ZNF718: variants seen among roughly 807,000 people sequenced by gnomAD.
ZNF718 encodes zinc finger protein 718.
Under a neutral mutation model 2.6 loss-of-function variants are expected in ZNF718, and 3 were observed. The ratio of observed to expected loss-of-function variants is 1.16; its 90% CI spans 0.53 to 3.01. The LOEUF is 3.01. Among genes scored for constraint, ZNF718 ranks in the 30% most tolerant of loss-of-function variants. ZNF718 has a pLI of 0.03. For missense variants in ZNF718, 468 were observed against 230.0 expected, an observed-to-expected ratio of 2.03 and a Z score of -6.69; for synonymous variants, 135 against 77.9, an observed-to-expected ratio of 1.73 and a Z score of -3.86.
intron 3 of ZNF718, among the ~76,000 whole-genome samples, chr4:137,631 G>T (rs977902571): frequency 6.6e-6 from 1 of 152,016 alleles, no homozygotes; most frequent in Non-Finnish European, 1.5e-5. Flanking sequence ...TTTGCTGTGT[G>T]TATTTATTCT....
Position 131,377 on chromosome 4 carries a change from A to G in ZNF718, c.131-33A>G. ...GTTGGTAATTGGAGTATCCCCAGCA[A>G]TAGTCATGTTAATTTTTTTTTTAAT... On this transcript the variant is annotated intron_variant, in intron 2 of 3. Coordinates refer to ENST00000510175, the MANE Select transcript of ZNF718 (RefSeq NM_001039127.6). 2 of 344,274 alleles carry G rather than the reference A, an allele frequency of 5.8e-6. 1 individual carries two copies. Among genetic ancestry groups the G allele is most frequent in the Non-Finnish European group, 9.8e-6 (2 of 203,192 alleles). The allele number at this position is 344,274 out of a possible 1,614,324, so 21.3% of individuals were successfully genotyped here.
At chr4:176,922 C>G (rs1330723579) in intron 3 of ZNF718, among the ~76,000 whole-genome samples, 3 of 152,162 alleles carry the variant, frequency 2.0e-5, no homozygotes, top group Non-Finnish European at 4.4e-5. Context: ...TCAACTCTTT[C>G]TGCATTCATT....
intron 3 of ZNF718, among the ~76,000 whole-genome samples, chr4:144,802 A>G (rs1350929995): frequency 6.6e-6 from 1 of 152,108 alleles, no homozygotes; most frequent in Non-Finnish European, 1.5e-5. Flanking sequence ...TTTGATTTTC[A>G]CATTGTTCAC....
chr4:182,578 A>C (rs765552917), intron 3 of ZNF718, among the ~76,000 whole-genome samples: 1 of 151,912 alleles, frequency 6.6e-6, no homozygotes, highest in Admixed American at 6.6e-5. Context: ...GGATCACAAC[A>C]ACCACCAACA....
chr4:140,759 C>G (rs1270129376), intron 3 of ZNF718, among the ~76,000 whole-genome samples: 1 of 152,156 alleles, frequency 6.6e-6, no homozygotes, highest in Non-Finnish European at 1.5e-5. Context: ...TTTGCATGTA[C>G]ACTTACTGTT....
At chr4:151,311 G>A (rs1000782994) in intron 3 of ZNF718, among the ~76,000 whole-genome samples, 2 of 151,654 alleles carry the variant, frequency 1.3e-5, no homozygotes, top group East Asian at 1.9e-4. Context: ...TCACCGTGTT[G>A]CCCAGGCTGG....
chr4:187,802 CA>C (rs1717599282), intron 3 of ZNF718, among the ~76,000 whole-genome samples: 2 of 152,134 alleles, frequency 1.3e-5, no homozygotes, highest in Non-Finnish European at 2.9e-5. Context: ...GTTCAGCCCC[CA>C]ATTGGCTTGG....
At chr4:144,784 T>A (rs1244889740) in intron 3 of ZNF718, among the ~76,000 whole-genome samples, 4 of 152,198 alleles carry the variant, frequency 2.6e-5, no homozygotes, top group African/African-American at 9.6e-5. Context: ...ATGGAATTAC[T>A]CTCTTGGTTT....
chr4:148,464 C>G (rs562106583), intron 3 of ZNF718, among the ~76,000 whole-genome samples: 1 of 152,068 alleles, frequency 6.6e-6, no homozygotes, highest in East Asian at 1.9e-4. Flanking sequence ...CAAAAATTTG[C>G]TGGGCATGGT....
At position 130,313 on chromosome 4, in the gene ZNF718, ATATGCAT is replaced by A. The variant is rs2108779230; in HGVS notation, c.4-473_4-467del. 3.8e-5 allele frequency among the ~76,000 whole-genome samples: 4 copies of A among 104,116 alleles called. 1 individual carries two copies. The East Asian group carries it at 2.1e-3, about 56-fold the overall frequency. The allele number at this position is 104,116 out of a possible 152,430, so 68.3% of individuals were successfully genotyped here. ...TGAGGCTTTGAATACCAAATAATTTATATGCATTTTGAACCTTAGAGGCAATGCTTGG... is the reference window on the plus strand; with the variant it reads ...TGAGGCTTTGAATACCAAATAATTTATTTGAACCTTAGAGGCAATGCTTGG... On this transcript the variant is annotated intron_variant, in intron 1 of 3. Coordinates refer to ENST00000510175, the MANE Select transcript of ZNF718 (RefSeq NM_001039127.6).
chr4:130,895 C>T lies in ZNF718; in HGVS notation c.111C>T (p.Tyr37=), dbSNP rs1715334154. Residue 37 remains tyrosine, a synonymous_variant, in exon 2 of 4, where the codon TAC becomes TAT. Transcript: ENST00000510175. The part of the protein sequence containing the change: ...NLYRDVMLEN[Y]RNLVSLGVSI... Reference sequence around the variant, plus strand: ...ATAGAGATGTGATGTTGGAGAACTACAGAAACCTGGTCTCCCTGGGTAAGG... The same window carrying T: ...ATAGAGATGTGATGTTGGAGAACTATAGAAACCTGGTCTCCCTGGGTAAGG... The T allele has an allele frequency of 1.4e-5, 5 of 362,674 alleles. 1 individual carries two copies. 22.5% of individuals were successfully genotyped at this position (362,674 alleles called of 1,614,324 possible).
In ZNF718 at chr4:161,313, T is replaced by G. The variant is rs1553815044; in HGVS notation, c.628T>G (p.Trp210Gly). ...TGAAGAATGTGGCAAAGCCTTTAAT[T>G]GGTCCTCAATTCTTACTAAACATAA... Reference protein sequence around the residue: ...TCEECGKAFNWSSILTKHKRI... With the variant: ...TCEECGKAFNGSSILTKHKRI... The change falls in exon 4 of 4, where the codon TGG (tryptophan) becomes GGG (glycine). Residue 210 changes from tryptophan to glycine, a missense_variant. Coordinates refer to ENST00000510175, the MANE Select transcript of ZNF718 (RefSeq NM_001039127.6). The G allele has an allele frequency of 3.8e-6, 3 of 780,918 alleles. No homozygotes were observed. The highest frequency in any genetic ancestry group is 1.3e-5 in the South Asian group (1 of 74,554). The allele number at this position is 780,918 out of a possible 1,614,324, so 48.4% of individuals were successfully genotyped here.
intron 3 of ZNF718, among the ~76,000 whole-genome samples, chr4:136,602 G>T (rs1369866592): frequency 1.3e-5 from 2 of 152,188 alleles, no homozygotes; most frequent in African/African-American, 4.8e-5. Flanking sequence ...GCTCCACTGA[G>T]GTTTCACAAC....
intron 3 of ZNF718, among the ~76,000 whole-genome samples, chr4:153,566 T>TTTCTTTTTCAG (rs1278165941): frequency 0.76 from 116,008 of 151,736 alleles, 44,626 homozygotes; most frequent in East Asian, 0.96. Flanking sequence ...CAGTTTTTCA[T>TTTCTTTTTCAG]ATTTTTATCA....
intron 3 of ZNF718, among the ~76,000 whole-genome samples, chr4:170,530 G>T (rs2108809637): frequency 6.6e-6 from 1 of 151,944 alleles, no homozygotes; most frequent in South Asian, 2.1e-4. Context: ...CATATTTCTT[G>T]GAGGCTTTGT....
rs782217920 is a variant in ZNF718 at position 162,094 on chromosome 4, A to G, written c.1409A>G (p.Lys470Arg). 2.5e-5 allele frequency: 19 copies of G among 758,274 alleles called. No individual in the cohort carries two copies. The highest frequency in any genetic ancestry group is 4.4e-5 in the Non-Finnish European group (18 of 409,224). 47.0% of individuals were successfully genotyped at this position (758,274 alleles called of 1,614,324 possible). Residue 470 changes from lysine (K) to arginine (R), a missense_variant, in exon 4 of 4, where the codon AAG becomes AGG. Transcript: ENST00000510175. ...CAGTACTCCAACCTTCCTCAACATAAGAGAACTCATACTGGAGGAAAATTT... is the reference window on the plus strand; with the variant it reads ...CAGTACTCCAACCTTCCTCAACATAGGAGAACTCATACTGGAGGAAAATTT... Reference protein sequence around the residue: ...FKQYSNLPQHKRTHTGGKF With the variant: ...FKQYSNLPQHRRTHTGGKF
At chr4:196,746 C>T (rs1443008440) in intron 3 of ZNF718, among the ~76,000 whole-genome samples, 5 of 152,044 alleles carry the variant, frequency 3.3e-5, no homozygotes, top group Admixed American at 2.6e-4. Context: ...CAGACCAACA[C>T]TCCCAACCCA....
intron 3 of ZNF718, among the ~76,000 whole-genome samples, chr4:141,505 A>G (rs966605638): frequency 5.3e-5 from 8 of 152,224 alleles, no homozygotes; most frequent in African/African-American, 1.7e-4. Flanking sequence ...TTTCACATAC[A>G]TGCTTGTTTC....
At chr4:149,907 C>T (rs1553812241) in intron 3 of ZNF718, 1 of 152,022 alleles carries the variant, frequency 6.6e-6, no homozygotes, top group African/African-American at 2.4e-5. Flanking sequence ...CCTTCTTAAA[C>T]ATTTTCAATT....
Sources: gnomAD v4.1 joint callset for allele counts (sites outside exome capture counted in the v4.1 genomes callset) on GRCh38, gnomAD v4.1.1 for gene constraint, MANE v1.5 for transcripts, NCBI Gene and HGNC (gene_info 2026-07-23, HGNC 2026-07-21) for gene names.